Variants in TMEM132C observed in about 807,000 individuals in gnomAD.
TMEM132C encodes transmembrane protein 132C.
In TMEM132C, 29 loss-of-function variants were observed where a neutral mutation model predicts 61.4. That is an observed-to-expected ratio of 0.47 (90% CI 0.35 to 0.64). The LOEUF is 0.64. Among genes scored for constraint, TMEM132C ranks in the 30% least tolerant of loss-of-function variants. TMEM132C has a pLI of 0.00. For synonymous variants in TMEM132C, 656 were observed against 633.1 expected (o/e 1.04, Z -0.54); for missense variants, 1,408 against 1,476.9 (o/e 0.95, Z 0.76).
At chr12:128,583,268 A>G (rs1029431361) in intron 3 of TMEM132C, among the ~76,000 whole-genome samples, 2 of 149,716 alleles carry the variant, frequency 1.3e-5, no homozygotes, top group African/African-American at 2.4e-5. Context: ...CTTGTGTGCC[A>G]ACATCGTACA....
chr12:128,414,946 A>G lies in TMEM132C; in HGVS notation c.300A>G (p.Gly100=), dbSNP rs772806756. 3 of 1,551,544 alleles carry G rather than the reference A, an allele frequency of 1.9e-6. No individual in the cohort carries two copies. The change falls in exon 2 of 9, where the codon GGA becomes GGG. Residue 100 remains glycine (G), a synonymous_variant. Transcript: ENST00000435159. ...CCCCAGTGCTCAATGCCAGCTATGG[A>G]CCCTTTTCTGTGGAGAAGGTTGTGC... ...RQPPVLNASY[G]PFSVEKVVPL...
intron 1 of TMEM132C, among the ~76,000 whole-genome samples, chr12:128,406,740 C>T (rs1106019): frequency 0.81 from 123,511 of 152,180 alleles, 53,039 homozygotes; most frequent in East Asian, 1. Context: ...ACCCTTATTA[C>T]GAGTCAGGCA....
Position 128,414,741 on chromosome 12 carries a change from G to C in TMEM132C, c.95G>C (p.Gly32Ala). 1 of 1,525,570 alleles carries C rather than the reference G, an allele frequency of 6.6e-7. No homozygotes were observed. Among genetic ancestry groups the C allele is most frequent in the Non-Finnish European group, 8.8e-7 (1 of 1,139,146 alleles). The allele number at this position is 1,525,570 out of a possible 1,614,324, so 94.5% of individuals were successfully genotyped here. Residue 32 changes from glycine (G) to alanine (A), a missense_variant, in exon 2 of 9, where the codon GGT (glycine) becomes GCT (alanine). Coordinates refer to ENST00000435159, the MANE Select transcript of TMEM132C (RefSeq NM_001136103.3). ...LGALLGKVIEGHGVTDNIQRF... is the reference protein window; with the variant it reads ...LGALLGKVIEAHGVTDNIQRF... ...CTTTTTCCCTTTTTAGTGATAGAGGGTCACGGGGTCACAGACAACATACAG... is the reference window on the plus strand; with the variant it reads ...CTTTTTCCCTTTTTAGTGATAGAGGCTCACGGGGTCACAGACAACATACAG...
At chr12:128,357,887 A>G (rs781185343) in intron 1 of TMEM132C, among the ~76,000 whole-genome samples, 3 of 151,288 alleles carry the variant, frequency 2.0e-5, no homozygotes, top group East Asian at 2.0e-4. Context: ...CACATCCCCA[A>G]CCATGGACTG....
chr12:128,269,360 G>GTGTGTGTT (rs1209869769), intron 1 of TMEM132C, among the ~76,000 whole-genome samples: 1 of 151,672 alleles, frequency 6.6e-6, no homozygotes, highest in Admixed American at 6.6e-5. Flanking sequence ...GTGTGTGTGT[G>GTGTGTGTT]TGTGTGTGTG....
intron 1 of TMEM132C, among the ~76,000 whole-genome samples, chr12:128,384,310 C>G (rs1026004845): frequency 6.6e-6 from 1 of 152,124 alleles, no homozygotes; most frequent in Non-Finnish European, 1.5e-5. Flanking sequence ...CAGAAGAAAC[C>G]GTGGGTTGTA....
intron 3 of TMEM132C, among the ~76,000 whole-genome samples, chr12:128,557,059 C>T (rs1874356035): frequency 6.6e-6 from 1 of 152,168 alleles, no homozygotes; most frequent in Non-Finnish European, 1.5e-5. Context: ...TACTAAAGAT[C>T]AGTGTCAATA....
chr12:128,533,026 T>C (rs1450321250), intron 2 of TMEM132C, among the ~76,000 whole-genome samples: 2 of 151,696 alleles, frequency 1.3e-5, no homozygotes, highest in Non-Finnish European at 2.9e-5. Flanking sequence ...AGTGGGTGGG[T>C]TTGGATATAA....
chr12:128,508,965 A>G (rs745641988), intron 2 of TMEM132C, among the ~76,000 whole-genome samples: 3 of 152,170 alleles, frequency 2.0e-5, no homozygotes, highest in Non-Finnish European at 4.4e-5. Context: ...AGGAAGGCCC[A>G]TGACTGTTTG....
intron 1 of TMEM132C, among the ~76,000 whole-genome samples, chr12:128,343,368 G>A (rs545715213): frequency 6.7e-6 from 1 of 149,392 alleles, no homozygotes; most frequent in African/African-American, 2.5e-5. Flanking sequence ...AGGTTGCAGT[G>A]AGCCGAGATC....
In TMEM132C at chr12:128,278,745, CGTGTATGTGT is replaced by C. The variant is rs1447182060; in HGVS notation, c.85+11263_85+11272del. Among the ~76,000 whole-genome samples, 25 of 135,582 alleles carry C rather than the reference CGTGTATGTGT, an allele frequency of 1.8e-4. No individual in the cohort carries two copies. The highest frequency in any genetic ancestry group is 3.6e-4 in the Admixed American group (5 of 13,702). The allele number at this position is 135,582 out of a possible 152,430, so 88.9% of individuals were successfully genotyped here. On this transcript the variant is annotated intron_variant, in intron 1 of 8. Transcript: ENST00000435159. The surrounding 1 kb of genome is among the most constrained non-coding windows in gnomAD (Gnocchi z 4.2). ...ATATTTGTGCAGACTTGATTCTATA[CGTGTATGTGT>C]GTGTGTGTGTGTGTGTGTGTGTGTG...
intron 1 of TMEM132C, among the ~76,000 whole-genome samples, chr12:128,363,615 AG>A (rs1217861357): frequency 2.0e-5 from 3 of 152,192 alleles, no homozygotes; most frequent in Non-Finnish European, 4.4e-5. Flanking sequence ...TGGGAGGCTG[AG>A]GGGGCGGATC....
At chr12:128,562,649 G>A (rs1024088827) in intron 3 of TMEM132C, among the ~76,000 whole-genome samples, 3 of 152,156 alleles carry the variant, frequency 2.0e-5, no homozygotes, top group African/African-American at 4.8e-5. Context: ...CCGGCTGCCT[G>A]GGCTGAGGCT....
intron 3 of TMEM132C, among the ~76,000 whole-genome samples, chr12:128,600,875 T>A (rs1237402725): frequency 6.6e-6 from 1 of 152,198 alleles, no homozygotes; most frequent in Admixed American, 6.5e-5. Context: ...CTGTTTTAAA[T>A]GTAAAAACTA....
At chr12:128,363,052 T>C (rs1873754141) in intron 1 of TMEM132C, among the ~76,000 whole-genome samples, 1 of 152,190 alleles carries the variant, frequency 6.6e-6, no homozygotes, top group Non-Finnish European at 1.5e-5. Context: ...GAAAAAAAGA[T>C]GGCCTTCTTT....
chr12:128,319,395 GTGTC>G (rs1299636612), intron 1 of TMEM132C, among the ~76,000 whole-genome samples: 1 of 152,070 alleles, frequency 6.6e-6, no homozygotes, highest in Admixed American at 6.5e-5. Flanking sequence ...GTGTGTGTGT[GTGTC>G]TGTCTGTTGG....
chr12:128,442,480 G>A (rs956847533), intron 2 of TMEM132C, among the ~76,000 whole-genome samples: 2 of 152,048 alleles, frequency 1.3e-5, no homozygotes, highest in East Asian at 1.9e-4. Context: ...GGATTAGGGT[G>A]AGGTTCAGGC....
intron 3 of TMEM132C, among the ~76,000 whole-genome samples, chr12:128,604,602 T>C (rs1243001278): frequency 6.6e-6 from 1 of 151,480 alleles, no homozygotes; most frequent in East Asian, 1.9e-4. Context: ...GAGGGATAGA[T>C]GGCTAGATAG....
intron 2 of TMEM132C, among the ~76,000 whole-genome samples, chr12:128,532,679 A>C (rs1451473913): frequency 6.7e-6 from 1 of 149,348 alleles, no homozygotes. Context: ...AGCAGTAGCC[A>C]AATTAGAGAA....
Sources: allele counts gnomAD v4.1 joint callset (sites outside exome capture counted in the v4.1 genomes callset), GRCh38; gene constraint gnomAD v4.1.1; non-coding constraint Gnocchi (gnomAD v3.1); transcripts MANE v1.5; gene names NCBI Gene and HGNC (gene_info 2026-07-23, HGNC 2026-07-21).